Variants in SPTBN2 observed in about 807,000 individuals in gnomAD.
SPTBN2 encodes spectrin beta chain, non-erythrocytic 2.
Under a neutral mutation model 284.2 loss-of-function variants are expected in SPTBN2, and 107 were observed. The observed-to-expected ratio is 0.38, with a 90% CI of 0.32 to 0.44. The LOEUF (loss-of-function observed/expected upper bound fraction) is 0.44, where lower values mean the gene tolerates loss of function less well. SPTBN2 is among the 20% of genes least tolerant of loss of function. The probability of loss-of-function intolerance (pLI) is 1.00; values close to 1 mark genes in which losing one functional copy is unlikely to be tolerated. For synonymous variants in SPTBN2, 1,289 were observed against 1,354.8 expected (o/e 0.95, Z 1.07); for missense variants, 2,569 against 3,287.1 (o/e 0.78, Z 5.34).
Position 66,718,048 on chromosome 11 carries a change from G to C in SPTBN2, c.158-2067C>G, listed in dbSNP as rs1328490298. Among the ~76,000 whole-genome samples the C allele has an allele frequency of 6.6e-6, 1 of 151,962 alleles. No individual in the cohort carries two copies. The highest frequency in any genetic ancestry group is 2.4e-5 in the African/African-American group (1 of 41,378). ...GTCCCTGGGCCTGGCTCACCCCTCC[G>C]CCTCCCCTAACTGTCCTGGCCAGCG... On this transcript the variant is annotated intron_variant, in intron 3 of 37. Transcript: ENST00000533211. The surrounding 1 kb of genome is among the most constrained non-coding windows in gnomAD (Gnocchi z 4.8).
At chr11:66,720,836 T>C (rs767006262) in intron 3 of SPTBN2, among the ~76,000 whole-genome samples, 4 of 152,014 alleles carry the variant, frequency 2.6e-5, no homozygotes, top group Non-Finnish European at 4.4e-5. Context: ...GAAGCTGTTT[T>C]AGTCAGCTCA....
At chr11:66,692,481 G>A in intron 26 of SPTBN2, 55 bp downstream of exon 26, 1 of 1,590,162 alleles carries the variant, frequency 6.3e-7, no homozygotes. Context: ...GTCTCCCTGT[G>A]GGTCCTCCAC....
chr11:66,702,444 C>T lies in SPTBN2; in HGVS notation c.2679-723G>A, dbSNP rs528173740. On this transcript the variant is annotated intron_variant, in intron 15 of 37. Coordinates refer to ENST00000533211, the MANE Select transcript of SPTBN2 (RefSeq NM_006946.4). ...CCTCCCAAAGTGCTGGGATTACAGG[C>T]GTGAGCCACCTCGCCTGGCCGACAT... 8.6e-5 allele frequency among the ~76,000 whole-genome samples: 13 copies of T among 151,512 alleles called. No homozygotes were observed. In the South Asian group the frequency reaches 2.1e-3, roughly 25 times the overall value.
Position 66,685,088 on chromosome 11 carries a change from G to C in SPTBN2, c.*783C>G, listed in dbSNP as rs944035128. ...CCCAGCACACTGGAGGTCACTGTCA[G>C]AGGGAAATGAGACCAGGTCAGGGAA... On this transcript the variant is annotated 3_prime_UTR_variant, in exon 38 of 38. Transcript: ENST00000533211. This position sits in a 1 kb window ranked among gnomAD's most constrained non-coding sequence, Gnocchi z 4.4. Among the ~76,000 whole-genome samples, 2 of 152,198 alleles carry C rather than the reference G, an allele frequency of 1.3e-5. No individual in the cohort carries two copies. The highest frequency in any genetic ancestry group is 4.8e-5 in the African/African-American group (2 of 41,452).
rs1226424027 is a variant in SPTBN2 at position 66,684,264 on chromosome 11, G to A, written c.*1607C>T. 6.6e-6 allele frequency among the ~76,000 whole-genome samples: 1 copy of A among 152,194 alleles called. No homozygotes were observed. Among genetic ancestry groups the A allele is most frequent in the East Asian group, 1.9e-4 (1 of 5,196 alleles). On this transcript the variant is annotated 3_prime_UTR_variant, in exon 38 of 38. Coordinates refer to ENST00000533211, the MANE Select transcript of SPTBN2 (RefSeq NM_006946.4). ...CCATCAACATCTGGAGACAAACACT[G>A]TGCCCTGAAAGCTCCGATTGCCAAA...
At position 66,710,555 on chromosome 11, in the gene SPTBN2, G is replaced by T; in HGVS notation, c.1073+27C>A. Reference sequence around the variant, plus strand: ...TCCTCTCGTGGGAGCACAGCTCAGGGAAGGGTGGGGCCCCAGGGACACCTA... The same window carrying T: ...TCCTCTCGTGGGAGCACAGCTCAGGTAAGGGTGGGGCCCCAGGGACACCTA... On this transcript the variant is annotated intron_variant, in intron 10 of 37. Coordinates refer to ENST00000533211, the MANE Select transcript of SPTBN2 (RefSeq NM_006946.4). The surrounding 1 kb of genome is among the most constrained non-coding windows in gnomAD (Gnocchi z 4.9). The T allele has an allele frequency of 6.2e-7, 1 of 1,610,158 alleles. No individual in the cohort carries two copies. Among genetic ancestry groups the T allele is most frequent in the Non-Finnish European group, 8.5e-7 (1 of 1,178,332 alleles).
At chr11:66,739,903 A>T (rs1942882460) in intron 1 of SPTBN2, among the ~76,000 whole-genome samples, 1 of 152,110 alleles carries the variant, frequency 6.6e-6, no homozygotes, top group African/African-American at 2.4e-5. Flanking sequence ...ACGGTGATGC[A>T]TGCCTGTAAT....
In SPTBN2 at chr11:66,686,463, G is replaced by A. The variant is rs760387142; in HGVS notation, c.6897-23C>T. The A allele has an allele frequency of 7.9e-5, 128 of 1,613,638 alleles. 1 individual carries two copies. In the East Asian group the frequency reaches 2.8e-3, roughly 35 times the overall value. On this transcript the variant is annotated intron_variant, in intron 36 of 37. Coordinates refer to ENST00000533211, the MANE Select transcript of SPTBN2 (RefSeq NM_006946.4). Reference sequence around the variant, plus strand: ...AAGCTGTTGGGAGAGAGAGGCCACAGGGCAGAGCTGAGAATCCGGATCTGC... The same window carrying A: ...AAGCTGTTGGGAGAGAGAGGCCACAAGGCAGAGCTGAGAATCCGGATCTGC...
At chr11:66,705,569 C>T in intron 14 of SPTBN2, 101 bp from the exon 15 acceptor site, 1 of 1,603,182 alleles carries the variant, frequency 6.2e-7, no homozygotes, top group Non-Finnish European at 8.5e-7. Flanking sequence ...TTAGCTCAGT[C>T]ACCATCGTTT....
In SPTBN2 at chr11:66,708,352, G is replaced by A. The variant is rs1189298550; in HGVS notation, c.1192-53C>T. The A allele has an allele frequency of 6.7e-7, 1 of 1,492,606 alleles. No individual in the cohort carries two copies. Among genetic ancestry groups the A allele is most frequent in the Non-Finnish European group, 9.0e-7 (1 of 1,112,912 alleles). 92.5% of individuals were successfully genotyped at this position (1,492,606 alleles called of 1,614,324 possible). A position where few individuals can be genotyped will look rare whatever the true frequency, so the allele number is the denominator to read the frequency against. ...AGGGACAGGGTGGGGAGGGCTCAGT[G>A]GGGCTGGAGGCACATGGTAAGTCCC... On this transcript the variant is annotated intron_variant, in intron 11 of 37. Transcript: ENST00000533211. This position sits in a 1 kb window ranked among gnomAD's most constrained non-coding sequence, Gnocchi z 4.4.
In SPTBN2 at chr11:66,700,643, A is replaced by G; in HGVS notation, c.3456T>C (p.Thr1152=). 1 of 1,608,228 alleles carries G rather than the reference A, an allele frequency of 6.2e-7. No individual in the cohort carries two copies. The highest frequency in any genetic ancestry group is 1.7e-4 in the Middle Eastern group (1 of 6,048). ...FLRQRLEALG[T]GWEELGRMWE... is the part of the protein sequence containing the mutation. Reference sequence around the variant, plus strand: ...ACATTCGGCCCAGCTCCTCCCAGCCAGTTCCCAGGGCCTCCAGTCGCTGTC... The same window carrying G: ...ACATTCGGCCCAGCTCCTCCCAGCCGGTTCCCAGGGCCTCCAGTCGCTGTC... The change falls in exon 17 of 38, where the codon ACT becomes ACC. Residue 1152 remains threonine, a synonymous_variant. Transcript: ENST00000533211. This position sits in a 1 kb window ranked among gnomAD's most constrained non-coding sequence, Gnocchi z 6.6.
rs935803569 is a variant in SPTBN2 at position 66,685,651 on chromosome 11, T to G, written c.*220A>C. On this transcript the variant is annotated 3_prime_UTR_variant, in exon 38 of 38. Transcript: ENST00000533211. The surrounding 1 kb of genome is among the most constrained non-coding windows in gnomAD (Gnocchi z 4.4). ...AAGTCGGCGGGGGTGGGAGAGGGGGTTACCTGGGTCCCACCACCAGTCTGG... is the reference window on the plus strand; with the variant it reads ...AAGTCGGCGGGGGTGGGAGAGGGGGGTACCTGGGTCCCACCACCAGTCTGG... 1 of 571,202 alleles carries G rather than the reference T, an allele frequency of 1.8e-6. No homozygotes were observed. Among genetic ancestry groups the G allele is most frequent in the Non-Finnish European group, 3.2e-6 (1 of 316,490 alleles). The allele number at this position is 571,202 out of a possible 1,614,324, so 35.4% of individuals were successfully genotyped here.
chr11:66,686,016 G>A lies in SPTBN2; in HGVS notation c.7028C>T (p.Pro2343Leu), dbSNP rs1044922607. 6.2e-7 allele frequency: 1 copy of A among 1,613,600 alleles called. No homozygotes were observed. Among genetic ancestry groups the A allele is most frequent in the Non-Finnish European group, 8.5e-7 (1 of 1,179,958 alleles). ...CCGGGTCATGCCCCGGGTGGTGCTG[G>A]GCACCACCGGCTCTTCAGGCTCTCC... ...ASGEPEEPVV[P>L]STTRGMTRAM... is the part of the protein sequence containing the mutation. Residue 2343 changes from proline to leucine, a missense_variant, in exon 38 of 38, where the codon CCC becomes CTC. Pro to Leu is a moderately conservative substitution (Grantham distance 98). This residue lies in a region of SPTBN2 where 1,130 missense variants were observed against 1,317.3 expected (regional missense o/e 0.86). Coordinates refer to ENST00000533211, the MANE Select transcript of SPTBN2 (RefSeq NM_006946.4).
chr11:66,716,016 G>A (rs1352166546), intron 3 of SPTBN2, 35 bp from the exon 4 acceptor site: 4 of 1,613,080 alleles, frequency 2.5e-6, no homozygotes, highest in South Asian at 1.1e-5. Context: ...TCTGTCCCTC[G>A]AGTTCAGTAT....
chr11:66,689,950 G>A lies in SPTBN2; in HGVS notation c.5811-7C>T. 1 of 1,613,792 alleles carries A rather than the reference G, an allele frequency of 6.2e-7. No homozygotes were observed. The highest frequency in any genetic ancestry group is 8.5e-7 in the Non-Finnish European group (1 of 1,179,928). On this transcript the variant is annotated splice_polypyrimidine_tract_variant and splice_region_variant and intron_variant, in intron 28 of 37. Coordinates refer to ENST00000533211, the MANE Select transcript of SPTBN2 (RefSeq NM_006946.4). Reference sequence around the variant, plus strand: ...ATCCGCGGAGGACACATCCCTGGGGGGAGGCAGAAACAGCATCACCTGCTG... The same window carrying A: ...ATCCGCGGAGGACACATCCCTGGGGAGAGGCAGAAACAGCATCACCTGCTG...
intron 1 of SPTBN2, among the ~76,000 whole-genome samples, chr11:66,723,597 C>T (rs1942512687): frequency 1.3e-5 from 2 of 152,112 alleles, no homozygotes; most frequent in Admixed American, 1.3e-4. Context: ...TAATGAGATG[C>T]AAGAGAGCTA....
At position 66,687,570 on chromosome 11, in the gene SPTBN2, T is replaced by A; in HGVS notation, c.6579A>T (p.Ala2193=). ...ACTCGGTAGACCTGCTCTGGGGCAT[T>A]GCAGATGGGGCCGGGCCCCGAGTCC... ...QTRTRGPAPS[A]MPQSRSTESA... The change falls in exon 35 of 38, where the codon GCA becomes GCT. Residue 2193 remains alanine (A), a synonymous_variant. Transcript: ENST00000533211. The surrounding 1 kb of genome is among the most constrained non-coding windows in gnomAD (Gnocchi z 5.2). 2 of 1,611,932 alleles carry A rather than the reference T, an allele frequency of 1.2e-6. No individual in the cohort carries two copies. The highest frequency in any genetic ancestry group is 1.7e-4 in the Middle Eastern group (1 of 6,004).
chr11:66,720,607 TGA>T (rs1341740099), intron 3 of SPTBN2, among the ~76,000 whole-genome samples: 1 of 151,506 alleles, frequency 6.6e-6, no homozygotes, highest in East Asian at 1.9e-4. Context: ...AACAGGCAGA[TGA>T]GATAATGGGA....
Position 66,718,115 on chromosome 11 carries a change from C to T in SPTBN2, c.158-2134G>A, listed in dbSNP as rs991705857. Reference sequence around the variant, plus strand: ...GGATCCACCTCAGAGGCACTGCTGGCGCCTCCCCAGGTGCTGGCACCCCCA... The same window carrying T: ...GGATCCACCTCAGAGGCACTGCTGGTGCCTCCCCAGGTGCTGGCACCCCCA... On this transcript the variant is annotated intron_variant, in intron 3 of 37. Coordinates refer to ENST00000533211, the MANE Select transcript of SPTBN2 (RefSeq NM_006946.4). This position sits in a 1 kb window ranked among gnomAD's most constrained non-coding sequence, Gnocchi z 4.8. 5.3e-5 allele frequency among the ~76,000 whole-genome samples: 8 copies of T among 152,294 alleles called. No individual in the cohort carries two copies. The highest frequency in any genetic ancestry group is 7.4e-5 in the Non-Finnish European group (5 of 68,022).
Sources: allele counts gnomAD v4.1 joint callset (sites outside exome capture counted in the v4.1 genomes callset), GRCh38; gene constraint gnomAD v4.1.1; regional missense constraint gnomAD v4.1.1; non-coding constraint Gnocchi (gnomAD v3.1); transcripts MANE v1.5; gene names NCBI Gene and HGNC (gene_info 2026-07-23, HGNC 2026-07-21).